The following TTLL5 variants were observed in gnomAD, a reference collection of about 807,000 sequenced individuals.
TTLL5 encodes tubulin polyglutamylase TTLL5.
Under a neutral mutation model 168.4 loss-of-function variants are expected in TTLL5, and 132 were observed. That is an observed-to-expected ratio of 0.78 (90% CI 0.68 to 0.91). The LOEUF (loss-of-function observed/expected upper bound fraction) is 0.91. Ranked by LOEUF, TTLL5 falls within the 40% of genes least tolerant of loss-of-function variation. The pLI, the probability that TTLL5 is intolerant of heterozygous loss-of-function variation, is 0.00. For missense variants in TTLL5, 1,545 were observed against 1,581.5 expected (o/e 0.98, Z 0.39); for synonymous variants, 546 against 558.6 (o/e 0.98, Z 0.32).
At chr14:75,937,479 C>T (rs1162753258) in intron 31 of TTLL5, among the ~76,000 whole-genome samples, 3 of 151,928 alleles carry the variant, frequency 2.0e-5, no homozygotes, top group Non-Finnish European at 4.4e-5. Flanking sequence ...TTTTTTTCTT[C>T]TTGCAGAACT....
At chr14:75,763,500 A>G (rs1360227518) in intron 18 of TTLL5, among the ~76,000 whole-genome samples, 2 of 152,180 alleles carry the variant, frequency 1.3e-5, no homozygotes, top group Non-Finnish European at 2.9e-5. Flanking sequence ...CCTTTTTATT[A>G]TACTCAGAGA....
chr14:75,688,284 C>G (rs1333790841), intron 5 of TTLL5, among the ~76,000 whole-genome samples: 1 of 152,084 alleles, frequency 6.6e-6, no homozygotes, highest in Admixed American at 6.5e-5. Context: ...ATCAATTATG[C>G]CTGTGTAATG....
chr14:75,831,233 T>C (rs571980914), intron 28 of TTLL5, among the ~76,000 whole-genome samples: 1 of 152,346 alleles, frequency 6.6e-6, no homozygotes, highest in South Asian at 2.1e-4. Flanking sequence ...TCTTAGGATC[T>C]TCTGTAGGTC....
chr14:75,818,474 T>C (rs1894609831), intron 27 of TTLL5: 3 of 405,964 alleles, frequency 7.4e-6, no homozygotes, highest in South Asian at 5.3e-5. Flanking sequence ...TCCTATATCA[T>C]TATTTTTCTT....
chr14:75,741,944 A>G (rs1889299004), intron 15 of TTLL5, among the ~76,000 whole-genome samples: 1 of 152,204 alleles, frequency 6.6e-6, no homozygotes, highest in Admixed American at 6.5e-5. Flanking sequence ...TAGTAGGAGA[A>G]GGTTGCCACA....
At chr14:75,757,723 C>A (rs992369275) in intron 18 of TTLL5, 2 of 920,680 alleles carry the variant, frequency 2.2e-6, no homozygotes, top group South Asian at 2.6e-5. Context: ...GGCCTAATGT[C>A]ATGTTGAATT....
chr14:75,820,227 A>T, intron 28 of TTLL5, 66 bp downstream of exon 28: 1 of 1,458,248 alleles, frequency 6.9e-7, no homozygotes, highest in Non-Finnish European at 9.1e-7. Flanking sequence ...CAAGCAAGCC[A>T]TTCCCACCTT....
chr14:75,916,081 G>A lies in TTLL5; in HGVS notation c.3823+13857G>A, dbSNP rs796127369. 1.2e-4 allele frequency among the ~76,000 whole-genome samples: 18 copies of A among 151,974 alleles called. 1 individual carries two copies. The highest frequency in any genetic ancestry group is 3.6e-4 in the African/African-American group (15 of 41,428). On this transcript the variant is annotated intron_variant, in intron 31 of 31. Transcript: ENST00000298832. ...TTCAAGGCTGCAGTGAGATATGATCGGGCTGCTGTACTCCAGCCTGGGTGA... is the reference window on the plus strand; with the variant it reads ...TTCAAGGCTGCAGTGAGATATGATCAGGCTGCTGTACTCCAGCCTGGGTGA...
chr14:75,916,151 G>C (rs1285655520), intron 31 of TTLL5, among the ~76,000 whole-genome samples: 2 of 150,074 alleles, frequency 1.3e-5, no homozygotes, highest in Non-Finnish European at 1.5e-5. Flanking sequence ...AGAGGGATGA[G>C]GGGAGGAGAG....
At chr14:75,841,046 A>G (rs1400809413) in intron 28 of TTLL5, among the ~76,000 whole-genome samples, 1 of 152,168 alleles carries the variant, frequency 6.6e-6, no homozygotes, top group Non-Finnish European at 1.5e-5. Flanking sequence ...TCTTAAAACA[A>G]CCAGATTTCG....
In TTLL5 at chr14:75,782,628, A is replaced by C. The variant is rs375123823; in HGVS notation, c.2602+55A>C. On this transcript the variant is annotated intron_variant, in intron 25 of 31. Transcript: ENST00000298832. Reference sequence around the variant, plus strand: ...CTGCTCTCTGATAATTTCCTAAAAGAAGGAAATAGTCATCAGATATTAAAT... The same window carrying C: ...CTGCTCTCTGATAATTTCCTAAAAGCAGGAAATAGTCATCAGATATTAAAT... 466 of 1,389,238 alleles carry C rather than the reference A, an allele frequency of 3.4e-4. 2 individuals are homozygous for C. Among genetic ancestry groups the C allele is most frequent in the Non-Finnish European group, 4.3e-4 (425 of 985,944 alleles). 86.1% of individuals were successfully genotyped at this position (1,389,238 alleles called of 1,614,324 possible). A position where few individuals can be genotyped will look rare whatever the true frequency, so the allele number is the denominator to read the frequency against.
At chr14:75,839,745 C>T (rs1237336544) in intron 28 of TTLL5, among the ~76,000 whole-genome samples, 1 of 152,202 alleles carries the variant, frequency 6.6e-6, no homozygotes, top group Non-Finnish European at 1.5e-5. Context: ...GGGAGGGGCA[C>T]AACCAAATCA....
At chr14:75,857,517 A>G (rs965461878) in intron 28 of TTLL5, among the ~76,000 whole-genome samples, 2 of 151,838 alleles carry the variant, frequency 1.3e-5, no homozygotes, top group Admixed American at 6.6e-5. Flanking sequence ...TTTTTGTACT[A>G]TCTTTGTCAG....
intron 27 of TTLL5, among the ~76,000 whole-genome samples, chr14:75,808,729 T>C (rs1465283188): frequency 6.6e-6 from 1 of 152,148 alleles, no homozygotes; most frequent in Non-Finnish European, 1.5e-5. Flanking sequence ...CAGAGCCCCA[T>C]GGCTGCAGGA....
At chr14:75,784,844 G>A (rs1250406766) in intron 26 of TTLL5, among the ~76,000 whole-genome samples, 1 of 152,112 alleles carries the variant, frequency 6.6e-6, no homozygotes, top group African/African-American at 2.4e-5. Context: ...GGCTAATGAT[G>A]TTGAATATCT....
rs760417626 is a variant in TTLL5, at chr14:75,779,705, A to C, written c.2515+3A>C. On this transcript the variant is annotated splice_donor_region_variant and intron_variant, in intron 24 of 31. Transcript: ENST00000298832. ...TTCTGATAGTGGGGCAAAAGGTGGT[A>C]AGTATACTGGTTAATGAACGAAAAA... The C allele has an allele frequency of 6.2e-7, 1 of 1,608,428 alleles. No homozygotes were observed. Among genetic ancestry groups the C allele is most frequent in the Admixed American group, 1.7e-5 (1 of 58,002 alleles).
intron 31 of TTLL5, among the ~76,000 whole-genome samples, chr14:75,920,405 C>A (rs1240801733): frequency 1.3e-5 from 2 of 152,062 alleles, no homozygotes; most frequent in Admixed American, 6.6e-5. Flanking sequence ...AGTTCCCCAC[C>A]CCTCGACAGG....
At chr14:75,726,569 C>T (rs1447509633) in intron 12 of TTLL5, among the ~76,000 whole-genome samples, 1 of 152,096 alleles carries the variant, frequency 6.6e-6, no homozygotes, top group Admixed American at 6.6e-5. Context: ...ATAAGTGACT[C>T]AGGTGCTCTA....
intron 31 of TTLL5, among the ~76,000 whole-genome samples, chr14:75,920,862 T>A (rs2140138037): frequency 6.6e-6 from 1 of 152,360 alleles, no homozygotes; most frequent in South Asian, 2.1e-4. Context: ...GCGTTCCTAT[T>A]TCTCCACATC....
Sources: gnomAD v4.1 joint callset for allele counts (sites outside exome capture counted in the v4.1 genomes callset) on GRCh38, gnomAD v4.1.1 for gene constraint, MANE v1.5 for transcripts, NCBI Gene and HGNC (gene_info 2026-07-23, HGNC 2026-07-21) for gene names.